Variants in PPP3CA observed in about 807,000 individuals in gnomAD.
PPP3CA encodes the protein CAM-PRP catalytic subunit.
A neutral mutation model predicts 66.5 loss-of-function variants in PPP3CA; 14 were observed. That is an observed-to-expected ratio of 0.21 (90% CI 0.14 to 0.33). PPP3CA has a LOEUF of 0.33. Among genes scored for constraint, PPP3CA ranks in the 10% least tolerant of loss-of-function variants. The pLI is 1.00. For synonymous variants in PPP3CA, 232 were observed against 226.2 expected (o/e 1.03, Z -0.23); for missense variants, 317 against 639.5 (o/e 0.50, Z 5.44).
chr4:101,084,690 A>G (rs1578430987), intron 6 of PPP3CA, among the ~76,000 whole-genome samples: 2 of 152,250 alleles, frequency 1.3e-5, no homozygotes, highest in East Asian at 3.9e-4. Context: ...GATACTGACT[A>G]TAAAAAAGAT....
intron 2 of PPP3CA, among the ~76,000 whole-genome samples, chr4:101,130,906 A>T (rs1722407684): frequency 6.6e-6 from 1 of 152,178 alleles, no homozygotes; most frequent in African/African-American, 2.4e-5. Flanking sequence ...AACCTTAAAT[A>T]AAAATGGGCT....
intron 10 of PPP3CA, among the ~76,000 whole-genome samples, chr4:101,044,088 A>T (rs28648715): frequency 0.064 from 9,693 of 152,230 alleles, 354 homozygotes; most frequent in African/African-American, 0.093. Flanking sequence ...ATATAATCTC[A>T]CAAAGATTTA....
intron 1 of PPP3CA, among the ~76,000 whole-genome samples, chr4:101,338,903 C>T (rs896277114): frequency 6.6e-6 from 1 of 152,182 alleles, no homozygotes; most frequent in Non-Finnish European, 1.5e-5. Flanking sequence ...ACTTGAATTC[C>T]TGACTCAGGT....
At chr4:101,159,939 T>A (rs1723448094) in intron 2 of PPP3CA, among the ~76,000 whole-genome samples, 1 of 152,052 alleles carries the variant, frequency 6.6e-6, no homozygotes, top group Non-Finnish European at 1.5e-5. Flanking sequence ...ATTCTTAAAG[T>A]TACAAAAACG....
intron 2 of PPP3CA, among the ~76,000 whole-genome samples, chr4:101,145,796 T>C (rs1722951143): frequency 6.6e-6 from 1 of 152,132 alleles, no homozygotes; most frequent in Non-Finnish European, 1.5e-5. Context: ...GGGAAAAATA[T>C]AGAATATTTA....
rs746572451 is a variant in PPP3CA at position 101,029,157 on chromosome 4, C to G, written c.1369+9G>C. ...GCAGGTACAACAGAAAGGGGACTGG[C>G]CAATTTACCTTCATCAGCCTCAATA... On this transcript the variant is annotated intron_variant, in intron 13 of 13. Transcript: ENST00000394854. 9 of 1,599,814 alleles carry G rather than the reference C, an allele frequency of 5.6e-6. No individual in the cohort carries two copies. The highest frequency in any genetic ancestry group is 5.0e-5 in the Admixed American group (3 of 59,914).
intron 2 of PPP3CA, among the ~76,000 whole-genome samples, chr4:101,117,437 C>T (rs1256467953): frequency 3.0e-4 from 1 of 3,322 alleles, no homozygotes; most frequent in African/African-American, 1.3e-3. Flanking sequence ...GTTCTCACCA[C>T]TGAGATTTTT....
intron 2 of PPP3CA, among the ~76,000 whole-genome samples, chr4:101,117,674 C>T (rs549049426): frequency 6.6e-6 from 1 of 151,458 alleles, no homozygotes; most frequent in Non-Finnish European, 1.5e-5. Context: ...TTACAATATA[C>T]AATTACAATA....
chr4:101,345,667 A>T (rs1310614758), intron 1 of PPP3CA, among the ~76,000 whole-genome samples: 1 of 152,190 alleles, frequency 6.6e-6, no homozygotes, highest in Non-Finnish European at 1.5e-5. Flanking sequence ...TACACCTAGG[A>T]ATACAAGGAG....
chr4:101,060,823 G>T (rs1239820073), intron 10 of PPP3CA, among the ~76,000 whole-genome samples: 1 of 152,000 alleles, frequency 6.6e-6, no homozygotes, highest in Non-Finnish European at 1.5e-5. Flanking sequence ...GCCAAAAAAG[G>T]TCACTTAGCA....
rs368781304 is a variant in PPP3CA, at chr4:101,234,356, T to C, written c.59-38240A>G. Among the ~76,000 whole-genome samples, 13 of 152,022 alleles carry C rather than the reference T, an allele frequency of 8.6e-5. No homozygotes were observed. The South Asian group carries it at 1.7e-3, about 19-fold the overall frequency. ...ATAATTTACACTCCCACCAACAATGTATAAGGGTTCCCTTTTCTCCACAAC... is the reference window on the plus strand; with the variant it reads ...ATAATTTACACTCCCACCAACAATGCATAAGGGTTCCCTTTTCTCCACAAC... On this transcript the variant is annotated intron_variant, in intron 1 of 13. Transcript: ENST00000394854.
At chr4:101,289,137 C>T (rs981263069) in intron 1 of PPP3CA, among the ~76,000 whole-genome samples, 2 of 152,232 alleles carry the variant, frequency 1.3e-5, no homozygotes, top group South Asian at 2.1e-4. Flanking sequence ...TGTATATCTA[C>T]ATTAAAATAT....
chr4:101,054,829 G>A (rs1188437813), intron 10 of PPP3CA, among the ~76,000 whole-genome samples: 6 of 152,064 alleles, frequency 3.9e-5, no homozygotes. Context: ...TTAGGATAAG[G>A]CAAAAATGTT....
intron 1 of PPP3CA, among the ~76,000 whole-genome samples, chr4:101,240,575 CA>C (rs1726273402): frequency 6.6e-6 from 1 of 151,604 alleles, no homozygotes; most frequent in Non-Finnish European, 1.5e-5. Flanking sequence ...ATCAGATACG[CA>C]AACAGGAAAA....
intron 2 of PPP3CA, among the ~76,000 whole-genome samples, chr4:101,154,595 G>C (rs1446392367): frequency 1.3e-5 from 2 of 152,116 alleles, no homozygotes; most frequent in Non-Finnish European, 2.9e-5. Context: ...ATAATAGAGA[G>C]TCACTGGATT....
intron 1 of PPP3CA, among the ~76,000 whole-genome samples, chr4:101,271,985 G>C (rs1414673515): frequency 6.6e-6 from 1 of 152,004 alleles, no homozygotes; most frequent in Admixed American, 6.6e-5. Context: ...ACTATAACAA[G>C]ATAATGATTA....
intron 2 of PPP3CA, among the ~76,000 whole-genome samples, chr4:101,132,924 G>A (rs1282628917): frequency 6.6e-6 from 1 of 152,140 alleles, no homozygotes; most frequent in Non-Finnish European, 1.5e-5. Flanking sequence ...CTTCATCCCT[G>A]GGATGCAAGG....
At chr4:101,191,499 G>A (rs1724601197) in intron 2 of PPP3CA, among the ~76,000 whole-genome samples, 1 of 152,144 alleles carries the variant, frequency 6.6e-6, no homozygotes, top group Admixed American at 6.6e-5. Context: ...GCAGTGGGCT[G>A]GGTACCAAAA....
chr4:101,335,669 A>G (rs1384430262), intron 1 of PPP3CA, among the ~76,000 whole-genome samples: 2 of 152,176 alleles, frequency 1.3e-5, no homozygotes, highest in Non-Finnish European at 2.9e-5. Flanking sequence ...CATGACTGGC[A>G]ATCCTCACCC....
Sources: allele counts gnomAD v4.1 joint callset (sites outside exome capture counted in the v4.1 genomes callset), GRCh38; gene constraint gnomAD v4.1.1; transcripts MANE v1.5; gene names NCBI Gene and HGNC (gene_info 2026-07-23, HGNC 2026-07-21).